Variants in RIDA observed in about 807,000 individuals in gnomAD.
RIDA encodes the protein reactive intermediate imine deaminase A.
RIDA carries 17 observed loss-of-function variants against 17.8 expected under a neutral mutation model. That is an observed-to-expected ratio of 0.96 (90% CI 0.65 to 1.43). RIDA has a LOEUF of 1.43. Among genes scored for constraint, RIDA ranks in the 40% most tolerant of loss-of-function variants. The pLI is 0.00. For missense variants in RIDA, 158 were observed against 161.7 expected, an observed-to-expected ratio of 0.98 and a Z score of 0.12; for synonymous variants, 48 against 55.7, an observed-to-expected ratio of 0.86 and a Z score of 0.62.
In RIDA at chr8:98,117,121, C is replaced by T. The variant is rs753493042; in HGVS notation, c.-25G>A. 4 of 1,611,850 alleles carry T rather than the reference C, an allele frequency of 2.5e-6. No individual in the cohort carries two copies. The highest frequency in any genetic ancestry group is 4.5e-5 in the East Asian group (2 of 44,852). ...TGGCTAAGCCTTCCCTCTTGCAGCC[C>T]CTTCAGGAGAAGAAGCCCCAGCACC... is the stretch of plus-strand genomic sequence containing the variant. On this transcript the variant is annotated 5_prime_UTR_variant, in exon 1 of 6. Coordinates refer to ENST00000254878, the MANE Select transcript of RIDA (RefSeq NM_005836.3).
At chr8:98,115,070 C>T (rs1815784241) in intron 1 of RIDA, among the ~76,000 whole-genome samples, 1 of 151,888 alleles carries the variant, frequency 6.6e-6, no homozygotes, top group Non-Finnish European at 1.5e-5. Context: ...ATAATATAAC[C>T]ATGCACATAA....
chr8:98,110,212 C>T (rs1364045033), intron 1 of RIDA, among the ~76,000 whole-genome samples: 3 of 152,172 alleles, frequency 2.0e-5, no homozygotes, highest in Admixed American at 1.3e-4. Flanking sequence ...ATAGTGGATG[C>T]ATGATTCTAT....
intron 1 of RIDA, among the ~76,000 whole-genome samples, chr8:98,112,026 A>G (rs1007687352): frequency 3.9e-5 from 6 of 152,018 alleles, no homozygotes; most frequent in Admixed American, 1.3e-4. Context: ...ATTCTTGTAC[A>G]CTTTGTTTTT....
intron 1 of RIDA, among the ~76,000 whole-genome samples, chr8:98,114,023 A>C (rs1430889958): frequency 6.6e-6 from 1 of 152,166 alleles, no homozygotes; most frequent in Non-Finnish European, 1.5e-5. Flanking sequence ...GTAAAACCCC[A>C]GCTCTATAAA....
chr8:98,102,881 T>C lies in RIDA; in HGVS notation c.375A>G (p.Ala125=). Residue 125 remains alanine, a synonymous_variant, in exon 6 of 6, where the codon GCA becomes GCG. Transcript: ENST00000254878. ...TTGTCAGTGGTCCTTGGATAGCTAC[T>C]GCTTCAATTTCAATTCGGCTGCCCT... ...LPKGSRIEIE[A]VAIQGPLTTA... The C allele has an allele frequency of 6.2e-7, 1 of 1,613,550 alleles. No homozygotes were observed. The highest frequency in any genetic ancestry group is 1.3e-5 in the African/African-American group (1 of 75,068).
chr8:98,112,195 A>AACACACACACACACACACAC lies in RIDA; in HGVS notation c.66-3464_66-3445dup, dbSNP rs56178607. On this transcript the variant is annotated intron_variant, in intron 1 of 5. Transcript: ENST00000254878. ...TGTTATCATAAATAAAACTATACTA[A>AACACACACACACACACACAC]ACACACACACACACACACACACACA... is the stretch of plus-strand genomic sequence containing the variant. Among the ~76,000 whole-genome samples, 350 of 148,060 alleles carry AACACACACACACACACACAC rather than the reference A, an allele frequency of 2.4e-3. 1 individual carries two copies. The highest frequency in any genetic ancestry group is 8.4e-3 in the African/African-American group (335 of 39,836).
intron 2 of RIDA, among the ~76,000 whole-genome samples, chr8:98,107,753 T>C (rs1376890326): frequency 7.1e-6 from 1 of 140,338 alleles, no homozygotes; most frequent in Non-Finnish European, 1.5e-5. Flanking sequence ...ATGTGCCACC[T>C]GACTGGGTTA....
At chr8:98,112,118 T>C (rs1357161031) in intron 1 of RIDA, among the ~76,000 whole-genome samples, 5 of 152,014 alleles carry the variant, frequency 3.3e-5, no homozygotes, top group Admixed American at 6.6e-5. Context: ...CTACATATGT[T>C]TTACAATATA....
chr8:98,111,834 C>T (rs574827581), intron 1 of RIDA, among the ~76,000 whole-genome samples: 15 of 151,840 alleles, frequency 9.9e-5, no homozygotes, highest in Admixed American at 7.2e-4. Flanking sequence ...TTCAAAAATC[C>T]AGAAAATACA....
intron 2 of RIDA, chr8:98,106,537 A>T (rs868477394): frequency 2.0e-6 from 1 of 510,372 alleles, no homozygotes. Flanking sequence ...TTTTGTGCGT[A>T]AAAAGACTAG....
At position 98,108,668 on chromosome 8, in the gene RIDA, C is replaced by T; in HGVS notation, c.149G>A (p.Gly50Glu). ...TACTTGTTTAGCTTCTTCTGCTACC[C>T]CTCCTGACACAAGCTGTCCACTTGA... is the stretch of plus-strand genomic sequence containing the variant. ...DPSSGQLVSGGVAEEAKQALK... is the reference protein window; with the variant it reads ...DPSSGQLVSGEVAEEAKQALK... The change falls in exon 2 of 6, where the codon GGG becomes GAG. Residue 50 changes from glycine to glutamate, a missense_variant. By Grantham distance (98) the Gly-to-Glu change is moderately conservative (BLOSUM62 -2). Transcript: ENST00000254878. The T allele has an allele frequency of 6.2e-7, 1 of 1,612,406 alleles. No homozygotes were observed. Among genetic ancestry groups the T allele is most frequent in the Non-Finnish European group, 8.5e-7 (1 of 1,178,568 alleles).
intron 1 of RIDA, among the ~76,000 whole-genome samples, chr8:98,109,557 GTTTC>G (rs1057441457): frequency 1.1e-4 from 17 of 152,088 alleles, no homozygotes; most frequent in African/African-American, 3.9e-4. Flanking sequence ...TAGTTTGGCA[GTTTC>G]TTTAAAAATT....
intron 1 of RIDA, among the ~76,000 whole-genome samples, chr8:98,108,993 AGT>A (rs1231271500): frequency 6.6e-6 from 1 of 152,080 alleles, no homozygotes; most frequent in Non-Finnish European, 1.5e-5. Context: ...TGGGACCAGG[AGT>A]TTGAGATCAG....
At chr8:98,111,587 C>T (rs1815726941) in intron 1 of RIDA, among the ~76,000 whole-genome samples, 1 of 143,684 alleles carries the variant, frequency 7.0e-6, no homozygotes. Flanking sequence ...GCCTGGGCAA[C>T]AGAGCAAGAC....
At chr8:98,108,609 G>A (rs760927436) in intron 2 of RIDA, 37 bp downstream of exon 2, 1 of 1,265,990 alleles carries the variant, frequency 7.9e-7, no homozygotes, top group East Asian at 2.3e-5. Flanking sequence ...TAAAAAGGTA[G>A]TAGAAAAGGG....
intron 5 of RIDA, 36 bp from the exon 6 acceptor site, chr8:98,102,940 T>G (rs1485371593): frequency 6.6e-7 from 1 of 1,513,918 alleles, no homozygotes; most frequent in African/African-American, 1.4e-5. Context: ...TGTAATCATT[T>G]TGTACAAATT....
intron 3 of RIDA, 62 bp downstream of exon 3, chr8:98,106,210 T>C (rs1815630847): frequency 1.4e-5 from 21 of 1,499,888 alleles, no homozygotes; most frequent in Non-Finnish European, 1.9e-5. Flanking sequence ...GGATGCCATA[T>C]ATTTTTCAAA....
chr8:98,105,244 C>T (rs1376298933), intron 4 of RIDA, among the ~76,000 whole-genome samples: 1 of 151,870 alleles, frequency 6.6e-6, no homozygotes, highest in East Asian at 1.9e-4. Context: ...GAACAAGTGC[C>T]CATCTCCAGA....
chr8:98,114,905 A>G (rs777802702), intron 1 of RIDA, among the ~76,000 whole-genome samples: 3 of 150,846 alleles, frequency 2.0e-5, no homozygotes, highest in Non-Finnish European at 4.4e-5. Flanking sequence ...TTTTTTTTCA[A>G]TCTACACCAG....
Sources: allele counts gnomAD v4.1 joint callset (sites outside exome capture counted in the v4.1 genomes callset), GRCh38; gene constraint gnomAD v4.1.1; transcripts MANE v1.5; gene names NCBI Gene and HGNC (gene_info 2026-07-23, HGNC 2026-07-21).